Variants in DLGAP1 observed in about 807,000 individuals in gnomAD.
DLGAP1 encodes the protein DLG associated protein 1.
A neutral mutation model predicts 90.8 loss-of-function variants in DLGAP1; 11 were observed. The ratio of observed to expected loss-of-function variants is 0.12; its 90% CI spans 0.08 to 0.20. DLGAP1 has a LOEUF of 0.20. Ranked by LOEUF, DLGAP1 falls within the 10% of genes least tolerant of loss-of-function variation. The pLI is 1.00. For missense variants in DLGAP1, 1,050 were observed against 1,333.8 expected (o/e 0.79, Z 3.31); for synonymous variants, 558 against 540.7 (o/e 1.03, Z -0.44).
chr18:3,551,661 T>C (rs1239122723), intron 9 of DLGAP1, among the ~76,000 whole-genome samples: 3 of 11,832 alleles, frequency 2.5e-4, no homozygotes, highest in African/African-American at 3.6e-4. Context: ...TCTTTGTCTC[T>C]TTCCTTCTTT....
intron 7 of DLGAP1, among the ~76,000 whole-genome samples, chr18:3,599,654 T>C (rs2056787609): frequency 6.6e-6 from 1 of 152,188 alleles, no homozygotes; most frequent in Non-Finnish European, 1.5e-5. Flanking sequence ...ACAGTCTCAC[T>C]CTGTTGTCAG....
At position 3,712,931 on chromosome 18, in the gene DLGAP1, T is replaced by C. The variant is rs185540500; in HGVS notation, c.1591+16204A>G. 3.9e-5 allele frequency among the ~76,000 whole-genome samples: 6 copies of C among 152,342 alleles called. No homozygotes were observed. In the East Asian group the frequency reaches 5.8e-4, roughly 15 times the overall value. The stretch of plus-strand genomic sequence containing the variant: ...GTGAAGTTGTTCTACTGGTACTGTT[T>C]CCTTTACAGAGTTATCCTTCAGATG... On this transcript the variant is annotated intron_variant, in intron 7 of 12. Coordinates refer to ENST00000315677, the MANE Select transcript of DLGAP1 (RefSeq NM_004746.4).
Position 4,115,919 on chromosome 18 carries a change from GAAGA to G in DLGAP1, c.-159+35257_-159+35260del, listed in dbSNP as rs370043100. ...AATTTGTCCTTTAAATCAGTTTAGAGAAGAAAGGGGAATGAATATTCAATTACAC... is the reference window on the plus strand; with the variant it reads ...AATTTGTCCTTTAAATCAGTTTAGAGAAGGGGAATGAATATTCAATTACAC... On this transcript the variant is annotated intron_variant, in intron 2 of 12. Transcript: ENST00000315677. 4.5e-3 allele frequency among the ~76,000 whole-genome samples: 686 copies of G among 152,262 alleles called. 4 individuals carry two copies. The highest frequency in any genetic ancestry group is 0.025 in the South Asian group (122 of 4,820).
chr18:4,088,589 C>T (rs1038388100), intron 2 of DLGAP1, among the ~76,000 whole-genome samples: 2 of 152,150 alleles, frequency 1.3e-5, no homozygotes, highest in African/African-American at 4.8e-5. Flanking sequence ...GCAGTAAATT[C>T]TCTTACCTTT....
At chr18:4,434,369 T>C (rs1238616040) in intron 1 of DLGAP1, among the ~76,000 whole-genome samples, 1 of 152,164 alleles carries the variant, frequency 6.6e-6, no homozygotes, top group Non-Finnish European at 1.5e-5. Context: ...ATACACTAAC[T>C]TCTCCTTCCC....
intron 7 of DLGAP1, among the ~76,000 whole-genome samples, chr18:3,707,326 AGTG>A (rs1455648528): frequency 6.6e-6 from 1 of 152,188 alleles, no homozygotes; most frequent in East Asian, 1.9e-4. Flanking sequence ...GACGGGGTGC[AGTG>A]GCTCATGCCT....
intron 1 of DLGAP1, among the ~76,000 whole-genome samples, chr18:4,176,723 A>C (rs1205249920): frequency 6.6e-6 from 1 of 152,130 alleles, no homozygotes; most frequent in Non-Finnish European, 1.5e-5. Context: ...TGAAGTCTAG[A>C]AACTACTTTT....
rs908789445 is a variant in DLGAP1 at position 4,133,672 on chromosome 18, A to G, written c.-159+17508T>C. Among the ~76,000 whole-genome samples the G allele has an allele frequency of 3.3e-5, 5 of 152,178 alleles. No homozygotes were observed. In the South Asian group the frequency reaches 1.0e-3, roughly 32 times the overall value. ...AATTTGCTCATTTGCAAAGTGTAAA[A>G]TGGGTTATAGGAATTAAATGAAATA... On this transcript the variant is annotated intron_variant, in intron 2 of 12. Transcript: ENST00000315677.
At chr18:4,078,481 T>C (rs2075556826) in intron 2 of DLGAP1, among the ~76,000 whole-genome samples, 2 of 152,204 alleles carry the variant, frequency 1.3e-5, no homozygotes, top group Non-Finnish European at 2.9e-5. Context: ...ATGGTTACTC[T>C]TGAAATGAGT....
At position 4,118,726 on chromosome 18, in the gene DLGAP1, A is replaced by C. The variant is rs145156146; in HGVS notation, c.-159+32454T>G. Among the ~76,000 whole-genome samples, 803 of 152,220 alleles carry C rather than the reference A, an allele frequency of 5.3e-3. 8 individuals carry two copies. The highest frequency in any genetic ancestry group is 0.017 in the African/African-American group (708 of 41,538). ...CTCCCTGGATTAGAGCTCCTCAATCAGTTTCCCTAAGCTTGGGGTGGAAGG... is the reference window on the plus strand; with the variant it reads ...CTCCCTGGATTAGAGCTCCTCAATCCGTTTCCCTAAGCTTGGGGTGGAAGG... On this transcript the variant is annotated intron_variant, in intron 2 of 12. Coordinates refer to ENST00000315677, the MANE Select transcript of DLGAP1 (RefSeq NM_004746.4).
chr18:3,546,541 A>C (rs888976359), intron 9 of DLGAP1, among the ~76,000 whole-genome samples: 4 of 152,182 alleles, frequency 2.6e-5, no homozygotes, highest in African/African-American at 9.7e-5. Context: ...AAGAAAAAGT[A>C]TGTTGTCTGA....
intron 1 of DLGAP1, among the ~76,000 whole-genome samples, chr18:4,160,028 G>C (rs2076819001): frequency 6.6e-6 from 1 of 152,174 alleles, no homozygotes; most frequent in Non-Finnish European, 1.5e-5. Flanking sequence ...AGTGCGTAAT[G>C]ACTCATTGTG....
chr18:4,199,737 A>C (rs1245380872), intron 1 of DLGAP1, among the ~76,000 whole-genome samples: 1 of 152,208 alleles, frequency 6.6e-6, no homozygotes, highest in African/African-American at 2.4e-5. Flanking sequence ...GAAGAATGCA[A>C]GGTGTTTTGC....
chr18:3,954,991 C>A (rs8084197), intron 3 of DLGAP1, among the ~76,000 whole-genome samples: 3 of 151,918 alleles, frequency 2.0e-5, no homozygotes, highest in Non-Finnish European at 4.4e-5. Context: ...CAGGACAGAG[C>A]ACCAAAGAGA....
At chr18:4,446,227 A>C (rs1449188859) in intron 1 of DLGAP1, among the ~76,000 whole-genome samples, 1 of 152,134 alleles carries the variant, frequency 6.6e-6, no homozygotes, top group East Asian at 1.9e-4. Context: ...TTCTAGGCAT[A>C]CTCGGGTCTG....
At chr18:4,009,662 T>C (rs746142329) in intron 2 of DLGAP1, among the ~76,000 whole-genome samples, 6 of 152,176 alleles carry the variant, frequency 3.9e-5, no homozygotes, top group Non-Finnish European at 2.9e-5. Context: ...CCTCACTCTA[T>C]TGGAAGTAGA....
intron 5 of DLGAP1, among the ~76,000 whole-genome samples, chr18:3,751,286 A>G (rs1393032601): frequency 6.6e-6 from 1 of 152,046 alleles, no homozygotes; most frequent in Non-Finnish European, 1.5e-5. Flanking sequence ...GCTGTAAAAC[A>G]TTTTTCATTT....
At chr18:3,664,385 A>T (rs1431340399) in intron 7 of DLGAP1, among the ~76,000 whole-genome samples, 2 of 152,182 alleles carry the variant, frequency 1.3e-5, no homozygotes, top group Admixed American at 1.3e-4. Context: ...GCTGCTCCAC[A>T]TTGGGGTAAT....
intron 6 of DLGAP1, among the ~76,000 whole-genome samples, chr18:3,741,249 TCAC>T (rs1418470319): frequency 1.9e-5 from 1 of 51,990 alleles, no homozygotes; most frequent in Non-Finnish European, 3.4e-5. Flanking sequence ...ACCATCACCA[TCAC>T]CACCACAATC....
Sources: gnomAD v4.1 joint callset for allele counts (sites outside exome capture counted in the v4.1 genomes callset) on GRCh38, gnomAD v4.1.1 for gene constraint, MANE v1.5 for transcripts, NCBI Gene and HGNC (gene_info 2026-07-23, HGNC 2026-07-21) for gene names.